B4GALT4: variants seen among roughly 807,000 people sequenced by gnomAD.
The protein encoded by B4GALT4 is N-acetyllactosamine synthase.
In B4GALT4, 27 loss-of-function variants were observed where a neutral mutation model predicts 37.3. That is an observed-to-expected ratio of 0.72 (90% CI 0.53 to 1.00). The LOEUF is 1.00. Among genes scored for constraint, B4GALT4 ranks in the 50% least tolerant of loss-of-function variants. The probability of loss-of-function intolerance (pLI) is 0.00; values close to 1 mark genes in which losing one functional copy is unlikely to be tolerated. For missense variants in B4GALT4, 372 were observed against 413.1 expected, an observed-to-expected ratio of 0.90 and a Z score of 0.86; for synonymous variants, 148 against 154.1, an observed-to-expected ratio of 0.96 and a Z score of 0.29.
chr3:119,230,101 T>C lies in B4GALT4; in HGVS notation c.-2A>G. ...GTGGAAAGTCAGGTTGAAGCCCATG[T>C]TTTTTATTACGTGAATAATATCTAT... On this transcript the variant is annotated 5_prime_UTR_variant, in exon 3 of 8. Coordinates refer to ENST00000393765, the MANE Select transcript of B4GALT4 (RefSeq NM_003778.4). 1.2e-6 allele frequency: 2 copies of C among 1,613,976 alleles called. No individual in the cohort carries two copies. Among genetic ancestry groups the C allele is most frequent in the Non-Finnish European group, 1.7e-6 (2 of 1,179,866 alleles).
chr3:119,230,125 A>C lies in B4GALT4; in HGVS notation c.-26T>G, dbSNP rs772056290. 6.2e-7 allele frequency: 1 copy of C among 1,611,810 alleles called. No homozygotes were observed. The highest frequency in any genetic ancestry group is 8.5e-7 in the Non-Finnish European group (1 of 1,178,408). On this transcript the variant is annotated 5_prime_UTR_variant, in exon 3 of 8. Transcript: ENST00000393765. ...GTTTTTTATTACGTGAATAATATCT[A>C]TCTCTCTGCTTCACTGCAGGCAAGA...
Position 119,212,132 on chromosome 3 carries a change from G to C in B4GALT4, c.*417C>G, listed in dbSNP as rs751207942. ...AAATGAATAACAGTATTGTATCTTC[G>C]TACCTTTCTACCTTGGACGAGAACA... is the stretch of plus-strand genomic sequence containing the variant. On this transcript the variant is annotated 3_prime_UTR_variant, in exon 8 of 8. Transcript: ENST00000393765. The C allele has an allele frequency of 1.4e-6, 1 of 702,906 alleles. No homozygotes were observed. Among genetic ancestry groups the C allele is most frequent in the Non-Finnish European group, 2.6e-6 (1 of 384,990 alleles). 43.5% of individuals were successfully genotyped at this position (702,906 alleles called of 1,614,324 possible). A position where few individuals can be genotyped will look rare whatever the true frequency, so the allele number is the denominator to read the frequency against.
chr3:119,212,987 A>G (rs1484109834), intron 7 of B4GALT4: 7 of 211,644 alleles, frequency 3.3e-5, no homozygotes. Flanking sequence ...TGTACCAACC[A>G]TTGCTAACTG....
At chr3:119,228,723 A>T (rs1189852593) in intron 3 of B4GALT4, among the ~76,000 whole-genome samples, 4 of 152,180 alleles carry the variant, frequency 2.6e-5, no homozygotes. Flanking sequence ...CCAAAAATTC[A>T]TATGTTGAAT....
intron 2 of B4GALT4, among the ~76,000 whole-genome samples, chr3:119,235,732 T>A (rs1479979498): frequency 6.6e-6 from 1 of 152,044 alleles, no homozygotes; most frequent in African/African-American, 2.4e-5. Flanking sequence ...GGGATAAAAA[T>A]GATGACAGCC....
intron 3 of B4GALT4, among the ~76,000 whole-genome samples, chr3:119,229,262 A>T (rs527908584): frequency 6.6e-6 from 1 of 152,340 alleles, no homozygotes; most frequent in Non-Finnish European, 1.5e-5. Flanking sequence ...GGAGGAGGAC[A>T]GGAGGCACAT....
At chr3:119,215,767 A>C (rs188935280) in intron 7 of B4GALT4, 1 of 152,322 alleles carries the variant, frequency 6.6e-6, no homozygotes, top group Admixed American at 6.5e-5. Flanking sequence ...CTACATATTA[A>C]AAGAGATCAT....
At chr3:119,226,223 A>C (rs2078614211) in intron 4 of B4GALT4, among the ~76,000 whole-genome samples, 1 of 152,218 alleles carries the variant, frequency 6.6e-6, no homozygotes, top group South Asian at 2.1e-4. Context: ...TAAGCTCTTC[A>C]AAAGCAGCCG....
At chr3:119,216,429 TACACACACACGCACATAC>T (rs951988931) in intron 6 of B4GALT4, 85 bp from the exon 7 acceptor site, 7 of 595,666 alleles carry the variant, frequency 1.2e-5, no homozygotes, top group South Asian at 5.9e-5. Flanking sequence ...CGAAAATTTA[TACACACACACGCACATAC>T]ACACACACAC....
intron 1 of B4GALT4, chr3:119,240,208 T>A (rs1402137307): frequency 6.6e-6 from 1 of 151,960 alleles, no homozygotes; most frequent in African/African-American, 2.4e-5. Flanking sequence ...CCCATAGGCC[T>A]CTCCTCGATG....
chr3:119,215,180 G>A (rs566588246), intron 7 of B4GALT4: 21 of 151,832 alleles, frequency 1.4e-4, no homozygotes, highest in African/African-American at 4.8e-4. Context: ...GGACTGGGAG[G>A]GGCAGATCTA....
At chr3:119,228,170 T>A (rs1290625804) in intron 3 of B4GALT4, among the ~76,000 whole-genome samples, 1 of 152,160 alleles carries the variant, frequency 6.6e-6, no homozygotes, top group African/African-American at 2.4e-5. Flanking sequence ...CTGTTCACAA[T>A]CCCCATCGTT....
intron 2 of B4GALT4, chr3:119,236,050 A>T (rs2107545381): frequency 6.6e-6 from 1 of 152,334 alleles, no homozygotes; most frequent in Middle Eastern, 3.4e-3. Context: ...ACAGGCAAAA[A>T]TTTGAGGATA....
At chr3:119,237,803 A>T (rs777060506) in intron 1 of B4GALT4, among the ~76,000 whole-genome samples, 12 of 152,250 alleles carry the variant, frequency 7.9e-5, no homozygotes, top group African/African-American at 1.2e-4. Context: ...TCAAACCAAC[A>T]TTGCTAAAAT....
At position 119,212,122 on chromosome 3, in the gene B4GALT4, T is replaced by C. The variant is rs1214408951; in HGVS notation, c.*427A>G. The C allele has an allele frequency of 1.4e-6, 1 of 703,052 alleles. No individual in the cohort carries two copies. The highest frequency in any genetic ancestry group is 2.6e-6 in the Non-Finnish European group (1 of 385,000). 43.6% of individuals were successfully genotyped at this position (703,052 alleles called of 1,614,324 possible). A position where few individuals can be genotyped will look rare whatever the true frequency, so the allele number is the denominator to read the frequency against. ...TGTACAGGATAAATGAATAACAGTA[T>C]TGTATCTTCGTACCTTTCTACCTTG... On this transcript the variant is annotated 3_prime_UTR_variant, in exon 8 of 8. Coordinates refer to ENST00000393765, the MANE Select transcript of B4GALT4 (RefSeq NM_003778.4).
At chr3:119,223,185 C>T (rs903113790) in intron 5 of B4GALT4, among the ~76,000 whole-genome samples, 5 of 152,224 alleles carry the variant, frequency 3.3e-5, no homozygotes, top group South Asian at 2.1e-4. Flanking sequence ...GCAAAATTAA[C>T]GCAACTCCAC....
chr3:119,225,180 C>T lies in B4GALT4; in HGVS notation c.487-935G>A, dbSNP rs1016157037. Among the ~76,000 whole-genome samples the T allele has an allele frequency of 3.9e-5, 6 of 152,274 alleles. No homozygotes were observed. In the East Asian group the frequency reaches 9.6e-4, roughly 24 times the overall value. ...CACAGTGGCCTTATGGAGGTAGATT[C>T]GTCACTGGGCAATAAAAGAACACAG... On this transcript the variant is annotated intron_variant, in intron 4 of 7. Coordinates refer to ENST00000393765, the MANE Select transcript of B4GALT4 (RefSeq NM_003778.4).
At chr3:119,226,020 G>T (rs1389444587) in intron 4 of B4GALT4, among the ~76,000 whole-genome samples, 2 of 152,170 alleles carry the variant, frequency 1.3e-5, no homozygotes, top group African/African-American at 4.8e-5. Context: ...CAGTAGTGAT[G>T]ATTTTGCTGA....
At chr3:119,222,990 C>T (rs2078493327) in intron 5 of B4GALT4, among the ~76,000 whole-genome samples, 1 of 152,186 alleles carries the variant, frequency 6.6e-6, no homozygotes, top group Non-Finnish European at 1.5e-5. Flanking sequence ...AACACAGAAG[C>T]CCAGAACAAA....
Sources: allele counts gnomAD v4.1 joint callset (sites outside exome capture counted in the v4.1 genomes callset), GRCh38; gene constraint gnomAD v4.1.1; transcripts MANE v1.5; gene names NCBI Gene and HGNC (gene_info 2026-07-23, HGNC 2026-07-21).